SLAIN2: variants seen among roughly 807,000 people sequenced by gnomAD.
The protein encoded by SLAIN2 is SLAIN family member 2.
Under a neutral mutation model 56.6 loss-of-function variants are expected in SLAIN2, and 31 were observed. That is an observed-to-expected ratio of 0.55 (90% CI 0.41 to 0.74). The LOEUF (loss-of-function observed/expected upper bound fraction) is 0.74, where lower values mean the gene tolerates loss of function less well. Ranked by LOEUF, SLAIN2 falls within the 30% of genes least tolerant of loss-of-function variation. The pLI is 0.00. For missense variants in SLAIN2, 777 were observed against 754.2 expected, an observed-to-expected ratio of 1.03 and a Z score of -0.35; for synonymous variants, 317 against 284.9, an observed-to-expected ratio of 1.11 and a Z score of -1.13.
At chr4:48,353,618 A>G (rs1465409053) in intron 1 of SLAIN2, among the ~76,000 whole-genome samples, 8 of 152,212 alleles carry the variant, frequency 5.3e-5, no homozygotes, top group Non-Finnish European at 8.8e-5. Flanking sequence ...GTAAAGATCA[A>G]AGGACATAGT....
intron 6 of SLAIN2, among the ~76,000 whole-genome samples, chr4:48,405,982 C>A (rs1716682928): frequency 6.6e-6 from 1 of 152,170 alleles, no homozygotes; most frequent in East Asian, 1.9e-4. Flanking sequence ...TTTTTTAATA[C>A]ATTTCAGGTC....
chr4:48,357,435 G>A (rs547135759), intron 1 of SLAIN2, among the ~76,000 whole-genome samples: 67 of 151,874 alleles, frequency 4.4e-4, no homozygotes, highest in Admixed American at 7.9e-4. Context: ...AGGCTGGAGC[G>A]CAGTGGCACA....
intron 6 of SLAIN2, among the ~76,000 whole-genome samples, chr4:48,416,701 A>T (rs1717004943): frequency 6.6e-6 from 1 of 151,384 alleles, no homozygotes. Context: ...TAAAAATCTC[A>T]CTCAAAGCCG....
At chr4:48,369,546 G>A (rs1715612144) in intron 1 of SLAIN2, among the ~76,000 whole-genome samples, 1 of 152,178 alleles carries the variant, frequency 6.6e-6, no homozygotes, top group South Asian at 2.1e-4. Flanking sequence ...ATATTAGGGA[G>A]TTAGTCAAGT....
intron 1 of SLAIN2, among the ~76,000 whole-genome samples, chr4:48,355,734 C>T (rs1032232862): frequency 4.6e-5 from 7 of 151,966 alleles, no homozygotes; most frequent in African/African-American, 1.4e-4. Context: ...TAAGGTTAAA[C>T]ACGTATTTAA....
At chr4:48,357,418 G>C (rs1287802180) in intron 1 of SLAIN2, among the ~76,000 whole-genome samples, 1 of 150,572 alleles carries the variant, frequency 6.6e-6, no homozygotes, top group Non-Finnish European at 1.5e-5. Context: ...GTTTCTCTCT[G>C]TTGCCCAGGC....
rs149258341 is a variant in SLAIN2, at chr4:48,356,793, C to G, written c.390-13056C>G. Among the ~76,000 whole-genome samples the G allele has an allele frequency of 8.2e-4, 124 of 152,064 alleles. 1 individual carries two copies. In the East Asian group the frequency reaches 0.023, roughly 28 times the overall value. ...TTGATTCTCTTAAAATTAAAAAAAC[C>G]ATGCCATACTGGAATGGGAATAAAG... On this transcript the variant is annotated intron_variant, in intron 1 of 7. Coordinates refer to ENST00000264313, the MANE Select transcript of SLAIN2 (RefSeq NM_020846.2).
At chr4:48,349,578 A>T (rs995417454) in intron 1 of SLAIN2, among the ~76,000 whole-genome samples, 1 of 152,256 alleles carries the variant, frequency 6.6e-6, no homozygotes, top group African/African-American at 2.4e-5. Flanking sequence ...TTACAGAAGC[A>T]CTTTGTTTTA....
intron 1 of SLAIN2, among the ~76,000 whole-genome samples, chr4:48,350,336 C>T (rs1714977969): frequency 6.6e-6 from 1 of 152,222 alleles, no homozygotes; most frequent in Non-Finnish European, 1.5e-5. Context: ...TTGCCTTCTA[C>T]TTCCACTTAC....
At chr4:48,414,550 ATTTTTTTT>A (rs36222817) in intron 6 of SLAIN2, among the ~76,000 whole-genome samples, 215 of 136,868 alleles carry the variant, frequency 1.6e-3, no homozygotes, top group East Asian at 3.2e-3. Flanking sequence ...TTGGTGTGGT[ATTTTTTTT>A]TTTTTTTTTT....
intron 1 of SLAIN2, among the ~76,000 whole-genome samples, chr4:48,367,230 A>G (rs1266618490): frequency 3.3e-5 from 5 of 152,246 alleles, no homozygotes; most frequent in African/African-American, 1.2e-4. Flanking sequence ...TACCTGACCA[A>G]GGAATTTTGT....
At chr4:48,408,446 G>A (rs28690347) in intron 6 of SLAIN2, among the ~76,000 whole-genome samples, 44,626 of 148,954 alleles carry the variant, frequency 0.3, 6,818 homozygotes, top group South Asian at 0.48. Flanking sequence ...AATAGGATAA[G>A]ATGTGGAGGT....
intron 1 of SLAIN2, among the ~76,000 whole-genome samples, chr4:48,342,579 CTACGTCTA>C (rs1714743898): frequency 6.6e-6 from 1 of 152,066 alleles, no homozygotes. Flanking sequence ...CCAGAGTCGT[CTACGTCTA>C]TGCAGCGGTT....
At chr4:48,419,770 G>A (rs1380500113) in intron 6 of SLAIN2, among the ~76,000 whole-genome samples, 1 of 152,174 alleles carries the variant, frequency 6.6e-6, no homozygotes. Context: ...CAACAGTTGG[G>A]TAGTCAACCT....
chr4:48,347,052 T>TA (rs1355038485), intron 1 of SLAIN2, among the ~76,000 whole-genome samples: 1 of 151,806 alleles, frequency 6.6e-6, no homozygotes, highest in East Asian at 1.9e-4. Flanking sequence ...AACAAATACT[T>TA]AGAGTACCTG....
intron 6 of SLAIN2, among the ~76,000 whole-genome samples, chr4:48,390,495 C>T (rs1466005034): frequency 1.3e-5 from 2 of 152,008 alleles, no homozygotes; most frequent in Non-Finnish European, 2.9e-5. Flanking sequence ...TTTTAACATC[C>T]TCTTATATAT....
At chr4:48,366,908 T>C (rs572078734) in intron 1 of SLAIN2, among the ~76,000 whole-genome samples, 1 of 152,336 alleles carries the variant, frequency 6.6e-6, no homozygotes, top group Admixed American at 6.5e-5. Context: ...TCATCAGAAT[T>C]GTGTCCCTCT....
At chr4:48,382,268 G>T (rs1715989685) in intron 4 of SLAIN2, among the ~76,000 whole-genome samples, 1 of 152,020 alleles carries the variant, frequency 6.6e-6, no homozygotes, top group South Asian at 2.1e-4. Context: ...GTCTTTAGGG[G>T]TAGAAATATT....
At chr4:48,363,774 G>A (rs1307337643) in intron 1 of SLAIN2, among the ~76,000 whole-genome samples, 1 of 136,498 alleles carries the variant, frequency 7.3e-6, no homozygotes, top group African/African-American at 2.7e-5. Flanking sequence ...CTCCCGGACG[G>A]GGCGGCTGGC....
Sources: gnomAD v4.1 joint callset for allele counts (sites outside exome capture counted in the v4.1 genomes callset) on GRCh38, gnomAD v4.1.1 for gene constraint, MANE v1.5 for transcripts, NCBI Gene and HGNC (gene_info 2026-07-23, HGNC 2026-07-21) for gene names.